The following NAALADL2 variants were observed in gnomAD, a reference collection of about 807,000 sequenced individuals.
NAALADL2 encodes the protein inactive N-acetylated-alpha-linked acidic dipeptidase-like protein 2.
Under a neutral mutation model 87.2 loss-of-function variants are expected in NAALADL2, and 76 were observed. The observed-to-expected ratio is 0.87, with a 90% CI of 0.72 to 1.05. The LOEUF is 1.05. Ranked by LOEUF, NAALADL2 falls within the 50% of genes least tolerant of loss-of-function variation. NAALADL2 has a pLI of 0.00. For missense variants in NAALADL2, 1,089 were observed against 945.8 expected, an observed-to-expected ratio of 1.15 and a Z score of -1.99; for synonymous variants, 354 against 331.0, an observed-to-expected ratio of 1.07 and a Z score of -0.75.
rs918892474 is a variant in NAALADL2, at chr3:175,079,053, C to T, written c.44-17737C>T. Among the ~76,000 whole-genome samples the T allele has an allele frequency of 5.9e-5, 9 of 152,156 alleles. No individual in the cohort carries two copies. In the South Asian group the frequency reaches 6.2e-4, roughly 10 times the overall value. On this transcript the variant is annotated intron_variant, in intron 1 of 13. Coordinates refer to ENST00000454872, the MANE Select transcript of NAALADL2 (RefSeq NM_207015.3). Reference sequence around the variant, plus strand: ...CACCATTATACATTCCCACTAGCAACGTATGGGGTTCTAATTTCTCTAATA... The same window carrying T: ...CACCATTATACATTCCCACTAGCAATGTATGGGGTTCTAATTTCTCTAATA...
At chr3:174,524,938 A>G (rs931829012) in intron 1 of NAALADL2, among the ~76,000 whole-genome samples, 3 of 152,178 alleles carry the variant, frequency 2.0e-5, no homozygotes, top group African/African-American at 7.2e-5. Flanking sequence ...GTGTTTAGAT[A>G]TGTTTAGATG....
At chr3:174,770,826 C>A (rs997082106) in intron 3 of NAALADL2, among the ~76,000 whole-genome samples, 1 of 145,842 alleles carries the variant, frequency 6.9e-6, no homozygotes, top group Non-Finnish European at 1.5e-5. Flanking sequence ...CCAGCCTGGG[C>A]GACAGCAAGA....
intron 2 of NAALADL2, among the ~76,000 whole-genome samples, chr3:174,608,367 T>C (rs1207908657): frequency 1.3e-5 from 2 of 151,896 alleles, no homozygotes; most frequent in African/African-American, 4.8e-5. Context: ...AAAAAATTAA[T>C]GAATCCAGGA....
chr3:175,646,893 G>C (rs903291691), intron 11 of NAALADL2, among the ~76,000 whole-genome samples: 1 of 152,048 alleles, frequency 6.6e-6, no homozygotes, highest in South Asian at 2.1e-4. Context: ...AGTCAGGAAA[G>C]AGTAGATAAT....
At chr3:175,413,951 G>C in intron 5 of NAALADL2, among the ~76,000 whole-genome samples, 1 of 152,108 alleles carries the variant, frequency 6.6e-6, no homozygotes, top group Non-Finnish European at 1.5e-5. Context: ...CTTGAGAGTT[G>C]GGGCCTTTGC....
intron 1 of NAALADL2, among the ~76,000 whole-genome samples, chr3:174,971,664 A>G (rs1238138137): frequency 5.0e-5 from 4 of 80,206 alleles, no homozygotes; most frequent in Non-Finnish European, 1.0e-4. Context: ...AGTATGCTAG[A>G]CTGTGTGTGT....
chr3:175,342,298 A>G (rs993285141), intron 5 of NAALADL2, among the ~76,000 whole-genome samples: 5 of 152,160 alleles, frequency 3.3e-5, no homozygotes, highest in African/African-American at 1.2e-4. Flanking sequence ...TAAAAGGAGC[A>G]GGTACTTTGT....
At chr3:174,506,598 GTCTA>G (rs989977436) in intron 1 of NAALADL2, among the ~76,000 whole-genome samples, 6 of 151,954 alleles carry the variant, frequency 3.9e-5, no homozygotes, top group African/African-American at 9.7e-5. Context: ...GGCTTTTAAT[GTCTA>G]TCTGATTATA....
intron 3 of NAALADL2, among the ~76,000 whole-genome samples, chr3:174,798,971 AC>A: frequency 6.6e-6 from 1 of 152,188 alleles, no homozygotes; most frequent in Non-Finnish European, 1.5e-5. Flanking sequence ...GAAGTTCAAG[AC>A]CAGCCTGGTC....
At chr3:175,474,377 G>A (rs1180032118) in intron 9 of NAALADL2, among the ~76,000 whole-genome samples, 1 of 152,136 alleles carries the variant, frequency 6.6e-6, no homozygotes, top group Non-Finnish European at 1.5e-5. Flanking sequence ...AGCTTGATAT[G>A]AAACAAAACT....
rs146718917 is a variant in NAALADL2 at position 174,654,848 on chromosome 3, G to A, written c.-114-82793G>A. Among the ~76,000 whole-genome samples the A allele has an allele frequency of 8.6e-3, 1,309 of 152,202 alleles. 7 individuals are homozygous for A. The highest frequency in any genetic ancestry group is 0.014 in the Non-Finnish European group (983 of 68,008). ...CCTCCCGGGTTCAAGCCATTCTCCTGCCTCAGCCTCCTGAGTATCTGGGAC... is the reference window on the plus strand; with the variant it reads ...CCTCCCGGGTTCAAGCCATTCTCCTACCTCAGCCTCCTGAGTATCTGGGAC... On this transcript the variant is annotated intron_variant, in intron 2 of 3. Coordinates refer to the NAALADL2 transcript ENST00000434257.
intron 1 of NAALADL2, among the ~76,000 whole-genome samples, chr3:175,075,498 A>G (rs186091813): frequency 4.6e-5 from 7 of 152,290 alleles, no homozygotes; most frequent in Admixed American, 2.0e-4. Flanking sequence ...CCTCTGTGCT[A>G]TTAACAAAAT....
At chr3:175,645,355 C>T (rs1302945126) in intron 11 of NAALADL2, among the ~76,000 whole-genome samples, 1 of 152,066 alleles carries the variant, frequency 6.6e-6, no homozygotes, top group Admixed American at 6.6e-5. Context: ...AGAGGAATGA[C>T]TATCTTCCTC....
chr3:175,293,068 G>T (rs112591502), intron 4 of NAALADL2, among the ~76,000 whole-genome samples: 12,400 of 143,460 alleles, frequency 0.086, 934 homozygotes, highest in Middle Eastern at 0.14. Context: ...AAAAAAGGGG[G>T]AACTCGGTTA....
chr3:174,944,963 T>G (rs1411476009), intron 1 of NAALADL2, among the ~76,000 whole-genome samples: 1 of 152,130 alleles, frequency 6.6e-6, no homozygotes, highest in African/African-American at 2.4e-5. Context: ...ACTGGATGTT[T>G]CAGTTGAAGG....
chr3:174,977,357 T>A (rs1744493325), intron 1 of NAALADL2, among the ~76,000 whole-genome samples: 1 of 152,138 alleles, frequency 6.6e-6, no homozygotes, highest in African/African-American at 2.4e-5. Context: ...ACTCCTGACC[T>A]CAGGTGATCC....
chr3:175,787,033 G>A (rs1056794769), intron 13 of NAALADL2, among the ~76,000 whole-genome samples: 13 of 151,956 alleles, frequency 8.6e-5, no homozygotes, highest in African/African-American at 2.9e-4. Flanking sequence ...TGTTGGTCAG[G>A]GGTCAGGGAC....
intron 9 of NAALADL2, among the ~76,000 whole-genome samples, chr3:175,565,384 A>G (rs1716938922): frequency 6.6e-6 from 1 of 152,192 alleles, no homozygotes; most frequent in African/African-American, 2.4e-5. Flanking sequence ...TTGATAATAC[A>G]TTGATACTTT....
chr3:174,923,728 T>A (rs1018014578), intron 1 of NAALADL2, among the ~76,000 whole-genome samples: 1 of 152,232 alleles, frequency 6.6e-6, no homozygotes, highest in African/African-American at 2.4e-5. Context: ...TGTTTCTATT[T>A]TTCCTTTATT....
Sources: gnomAD v4.1 joint callset for allele counts (sites outside exome capture counted in the v4.1 genomes callset) on GRCh38, gnomAD v4.1.1 for gene constraint, MANE v1.5 for transcripts, NCBI Gene and HGNC (gene_info 2026-07-23, HGNC 2026-07-21) for gene names.